The following SEC31B variants were observed in gnomAD, a reference collection of about 807,000 sequenced individuals.
The protein encoded by SEC31B is SEC31 homolog B, COPII component.
Under a neutral mutation model 135.0 loss-of-function variants are expected in SEC31B, and 113 were observed. That is an observed-to-expected ratio of 0.84 (90% CI 0.72 to 0.98). The LOEUF (loss-of-function observed/expected upper bound fraction) is 0.98. Ranked by LOEUF, SEC31B falls within the 50% of genes least tolerant of loss-of-function variation. The pLI is 0.00. For synonymous variants in SEC31B, 508 were observed against 549.4 expected (o/e 0.92, Z 1.05); for missense variants, 1,296 against 1,421.1 (o/e 0.91, Z 1.42).
At chr10:100,515,926 G>T (rs976107271) in intron 3 of SEC31B, among the ~76,000 whole-genome samples, 170 bp downstream of exon 3, 1 of 152,078 alleles carries the variant, frequency 6.6e-6, no homozygotes, top group Non-Finnish European at 1.5e-5. Flanking sequence ...GGGGGGGGTG[G>T]TTGTTTTTTA....
rs372110829 is a variant in SEC31B, at chr10:100,506,121, A to C, written c.963T>G (p.Ala321=). Residue 321 remains alanine, a synonymous_variant, in exon 9 of 26, where the codon GCT becomes GCG. Transcript: ENST00000370345. ...AACTGATCCAGCCGTTGAAGGAGGC[A>C]GCAGAGAACACTGAAGGGTCCCGAG... The part of the protein sequence containing the change: ...WCPRDPSVFS[A]ASFNGWISLY... The C allele has an allele frequency of 2.8e-5, 46 of 1,614,116 alleles. No individual in the cohort carries two copies. Among genetic ancestry groups the C allele is most frequent in the Non-Finnish European group, 3.9e-5 (46 of 1,180,042 alleles).
rs578180628 is a variant in SEC31B at position 100,493,825 on chromosome 10, C to T, written c.2472+1560G>A. Among the ~76,000 whole-genome samples, 4 of 152,198 alleles carry T rather than the reference C, an allele frequency of 2.6e-5. No homozygotes were observed. The East Asian group carries it at 5.8e-4, about 22-fold the overall frequency. On this transcript the variant is annotated intron_variant, in intron 19 of 25. Coordinates refer to ENST00000370345, the MANE Select transcript of SEC31B (RefSeq NM_015490.4). The stretch of plus-strand genomic sequence containing the variant: ...AATGGCAATTTCTTGGTTTTGATAG[C>T]GTACTGTGGTTGTGTGAGATGCCGA...
chr10:100,489,766 A>C lies in SEC31B; in HGVS notation c.2966-5T>G. ...CTTTCCAGGAATCTTGAGGTCCTAT[A>C]GAATAAAAAGATAGAGGTTTTTCGG... On this transcript the variant is annotated splice_region_variant and splice_polypyrimidine_tract_variant and intron_variant, in intron 21 of 25. Coordinates refer to ENST00000370345, the MANE Select transcript of SEC31B (RefSeq NM_015490.4). 1 of 1,614,000 alleles carries C rather than the reference A, an allele frequency of 6.2e-7. No individual in the cohort carries two copies. The highest frequency in any genetic ancestry group is 1.1e-5 in the South Asian group (1 of 91,074).
Position 100,495,542 on chromosome 10 carries a change from G to A in SEC31B, c.2315C>T (p.Pro772Leu). The change falls in exon 19 of 26, where the codon CCA (proline) becomes CTA (leucine). Residue 772 changes from proline to leucine, a missense_variant. Transcript: ENST00000370345. ...AAGCCGATCTCTTAGCTGCTGAACT[G>A]GTGGCTATAAGTTTTAATGAGGAAG... ...SFLPRDCAQPPVQQLRDRLFH... is the reference protein window; with the variant it reads ...SFLPRDCAQPLVQQLRDRLFH... 1.2e-6 allele frequency: 2 copies of A among 1,612,360 alleles called. No individual in the cohort carries two copies. The highest frequency in any genetic ancestry group is 1.7e-6 in the Non-Finnish European group (2 of 1,179,378).
At chr10:100,508,757 A>G (rs1405581372) in intron 5 of SEC31B, 2 of 546,902 alleles carry the variant, frequency 3.7e-6, no homozygotes, top group Non-Finnish European at 6.5e-6. Flanking sequence ...TGCTCTCCCC[A>G]ACTTTCATCT....
At chr10:100,518,057 G>A (rs559650980) in intron 1 of SEC31B, among the ~76,000 whole-genome samples, 219 of 152,222 alleles carry the variant, frequency 1.4e-3, no homozygotes, top group Non-Finnish European at 2.5e-3. Context: ...TACCCAATTC[G>A]TTCTTTACAC....
chr10:100,497,414 G>A, intron 16 of SEC31B, 134 bp from the exon 17 acceptor site: 1 of 1,502,826 alleles, frequency 6.7e-7, no homozygotes, highest in Non-Finnish European at 8.9e-7. Flanking sequence ...GACTCACCTT[G>A]CTGTACAGAG....
chr10:100,515,921 G>GC (rs925593977), intron 3 of SEC31B, among the ~76,000 whole-genome samples, 175 bp downstream of exon 3: 4 of 151,920 alleles, frequency 2.6e-5, no homozygotes, highest in Admixed American at 6.6e-5. Flanking sequence ...GAAAGGGGGG[G>GC]GGTGGTTGTT....
At chr10:100,492,468 C>T (rs1851318780) in intron 19 of SEC31B, among the ~76,000 whole-genome samples, 1 of 152,174 alleles carries the variant, frequency 6.6e-6, no homozygotes, top group South Asian at 2.1e-4. Context: ...GTGATCCACC[C>T]ACCTCAGTTT....
intron 2 of SEC31B, among the ~76,000 whole-genome samples, 198 bp downstream of exon 2, chr10:100,516,676 C>T (rs887031166): frequency 1.5e-4 from 21 of 144,360 alleles, no homozygotes; most frequent in Admixed American, 9.6e-4. Context: ...AAAAAAAAGA[C>T]GTACCTAACC....
At position 100,490,147 on chromosome 10, in the gene SEC31B, CAG is replaced by C; in HGVS notation, c.2824_2825del (p.Leu942GlufsTer34). 1 of 1,596,558 alleles carries C rather than the reference CAG, an allele frequency of 6.3e-7. No homozygotes were observed. Among genetic ancestry groups the C allele is most frequent in the Non-Finnish European group, 8.5e-7 (1 of 1,172,128 alleles). Reference sequence around the variant, plus strand: ...CCATGCGGCCGGGACCTAGTGGTCTCAGAGGAAGCAGAGGGAACAGTCTAGGA... The same window carrying C: ...CCATGCGGCCGGGACCTAGTGGTCTCAGGAAGCAGAGGGAACAGTCTAGGA... ...ETPRLFPLLP[L>X]RPLGPGRMVS... On this transcript the variant is annotated frameshift_variant, in exon 21 of 26. Coordinates refer to ENST00000370345, the MANE Select transcript of SEC31B (RefSeq NM_015490.4). LOFTEE classifies it high-confidence loss of function.
At chr10:100,497,592 C>T (rs746795693) in intron 16 of SEC31B, 75 bp downstream of exon 16, 20 of 1,607,408 alleles carry the variant, frequency 1.2e-5, no homozygotes, top group Non-Finnish European at 1.7e-5. Flanking sequence ...GCTCCTCCAC[C>T]TCCCTCCTGC....
intron 6 of SEC31B, 97 bp downstream of exon 6, chr10:100,507,811 T>C: frequency 6.5e-7 from 1 of 1,540,332 alleles, no homozygotes; most frequent in Non-Finnish European, 8.9e-7. Context: ...GTCCGACAGC[T>C]GAAAGCAGGA....
intron 19 of SEC31B, among the ~76,000 whole-genome samples, chr10:100,492,892 G>A (rs1022377510): frequency 6.6e-6 from 1 of 152,168 alleles, no homozygotes; most frequent in Admixed American, 6.5e-5. Flanking sequence ...GACAAAATAT[G>A]TACAGGATTG....
In SEC31B at chr10:100,490,132, G is replaced by C; in HGVS notation, c.2841C>G (p.Pro947=). ...CTGGGGTGTGGGAGACCATGCGGCC[G>C]GGACCTAGTGGTCTCAGAGGAAGCA... The part of the protein sequence containing the change: ...FPLLPLRPLG[P]GRMVSHTPAP... Residue 947 remains proline, a synonymous_variant, in exon 21 of 26, where the codon CCC becomes CCG. Transcript: ENST00000370345. The C allele has an allele frequency of 6.3e-7, 1 of 1,593,144 alleles. No homozygotes were observed. The highest frequency in any genetic ancestry group is 1.2e-5 in the South Asian group (1 of 86,916).
rs1851445578 is a variant in SEC31B, at chr10:100,498,015, T to C, written c.1863+14A>G. The C allele has an allele frequency of 6.8e-6, 11 of 1,614,018 alleles. No homozygotes were observed. The highest frequency in any genetic ancestry group is 7.6e-6 in the Non-Finnish European group (9 of 1,179,910). On this transcript the variant is annotated intron_variant, in intron 15 of 25. Transcript: ENST00000370345. Reference sequence around the variant, plus strand: ...TAATCCCCTCCCTTCTTCTCCTGCATGATGGGCAGTTACCGAGGAGATTTT... The same window carrying C: ...TAATCCCCTCCCTTCTTCTCCTGCACGATGGGCAGTTACCGAGGAGATTTT...
intron 14 of SEC31B, 144 bp from the exon 15 acceptor site, chr10:100,498,351 G>T: frequency 1.2e-6 from 1 of 813,982 alleles, no homozygotes; most frequent in Non-Finnish European, 1.9e-6. Context: ...TCACTCCTTG[G>T]CAATAAAATG....
intron 21 of SEC31B, 105 bp downstream of exon 21, chr10:100,489,903 C>T: frequency 6.5e-7 from 1 of 1,538,266 alleles, no homozygotes; most frequent in South Asian, 1.3e-5. Flanking sequence ...CCACCCTCCA[C>T]CCAACAGGGC....
chr10:100,505,610 G>C (rs1241493751), intron 9 of SEC31B, 115 bp from the exon 10 acceptor site: 3 of 1,466,226 alleles, frequency 2.0e-6, no homozygotes, highest in Admixed American at 5.7e-5. Flanking sequence ...ACCTAGAAAG[G>C]TCAGACTCCC....
Sources: allele counts gnomAD v4.1 joint callset (sites outside exome capture counted in the v4.1 genomes callset), GRCh38; gene constraint gnomAD v4.1.1; transcripts MANE v1.5; gene names NCBI Gene and HGNC (gene_info 2026-07-23, HGNC 2026-07-21).